Variants in RRP12 observed in about 807,000 individuals in gnomAD.
The protein encoded by RRP12 is RRP12-like protein.
A neutral mutation model predicts 157.3 loss-of-function variants in RRP12; 78 were observed. That is an observed-to-expected ratio of 0.50 (90% confidence interval 0.41 to 0.60). RRP12 has a LOEUF of 0.60. Ranked by LOEUF, RRP12 falls within the 20% of genes least tolerant of loss-of-function variation. The pLI is 0.00. For missense variants in RRP12, 1,521 were observed against 1,679.9 expected, an observed-to-expected ratio of 0.91 and a Z score of 1.65; for synonymous variants, 726 against 670.9, an observed-to-expected ratio of 1.08 and a Z score of -1.27.
At chr10:97,362,044 T>C (rs993834268) in intron 30 of RRP12, among the ~76,000 whole-genome samples, 7 of 147,742 alleles carry the variant, frequency 4.7e-5, no homozygotes, top group Admixed American at 2.7e-4. Flanking sequence ...GAGGGGGAGG[T>C]TGCAGTGAGC....
At chr10:97,393,469 AC>A in intron 4 of RRP12, 1 of 690,512 alleles carries the variant, frequency 1.4e-6, no homozygotes, top group South Asian at 1.4e-5. Context: ...TGATTCTATT[AC>A]CAGGGGTTCA....
chr10:97,394,416 G>C (rs567298892), intron 3 of RRP12, among the ~76,000 whole-genome samples: 1 of 151,954 alleles, frequency 6.6e-6, no homozygotes, highest in South Asian at 2.1e-4. Context: ...TAGTTTTTTT[G>C]AGAGACAGGG....
At chr10:97,358,831 G>T in intron 32 of RRP12, 112 bp downstream of exon 32, 1 of 919,160 alleles carries the variant, frequency 1.1e-6, no homozygotes, top group Non-Finnish European at 1.7e-6. Flanking sequence ...CCTGGCCTCA[G>T]TTGAGTTCCA....
intron 29 of RRP12, among the ~76,000 whole-genome samples, chr10:97,364,374 G>T (rs531332870): frequency 2.0e-5 from 3 of 152,146 alleles, no homozygotes; most frequent in Non-Finnish European, 4.4e-5. Context: ...CTGACCAATT[G>T]GAGGGAAGAG....
chr10:97,381,337 T>C, intron 12 of RRP12, 49 bp downstream of exon 12: 1 of 1,383,136 alleles, frequency 7.2e-7, no homozygotes, highest in South Asian at 1.3e-5. Flanking sequence ...ATATAGAACT[T>C]TCCTCAAGGT....
chr10:97,394,612 A>C (rs988954099), intron 3 of RRP12, among the ~76,000 whole-genome samples: 44 of 151,962 alleles, frequency 2.9e-4, no homozygotes, highest in Non-Finnish European at 1.0e-4. Flanking sequence ...CTGGTGTCGA[A>C]CTCCTAGCCT....
At chr10:97,391,877 G>A (rs1370084747) in intron 4 of RRP12, among the ~76,000 whole-genome samples, 1 of 150,262 alleles carries the variant, frequency 6.7e-6, no homozygotes, top group Non-Finnish European at 1.5e-5. Flanking sequence ...AGGAGGTGGC[G>A]CCACTGCACT....
intron 30 of RRP12, 46 bp downstream of exon 30, chr10:97,363,808 G>A: frequency 6.5e-7 from 1 of 1,549,330 alleles, no homozygotes; most frequent in African/African-American, 1.4e-5. Flanking sequence ...GTGGAGCCCA[G>A]GCTTAGGTCT....
At position 97,372,726 on chromosome 10, in the gene RRP12, A is replaced by G. The variant is rs377388951; in HGVS notation, c.2249+10T>C. 29 of 1,555,932 alleles carry G rather than the reference A, an allele frequency of 1.9e-5. No homozygotes were observed. In the African/African-American group the frequency reaches 3.5e-4, roughly 19 times the overall value. ...GCTCCAGCTCAAGTGGGAGGCCCTG[A>G]GCATGTTACCTGGTAAAGTCAGAGC... On this transcript the variant is annotated intron_variant, in intron 19 of 33. Transcript: ENST00000370992.
intron 15 of RRP12, among the ~76,000 whole-genome samples, chr10:97,374,771 C>CAA (rs775889963): frequency 0.36 from 32,494 of 90,298 alleles, 5,132 homozygotes; most frequent in Middle Eastern, 0.45. Context: ...GACTCTGTCT[C>CAA]AAAAAAAAAA....
chr10:97,366,193 G>A lies in RRP12; in HGVS notation c.3432C>T (p.His1144=), dbSNP rs61731893. 5.3e-3 allele frequency: 8,603 copies of A among 1,611,180 alleles called. 313 individuals are homozygous for A. In the African/African-American group the frequency reaches 0.089, roughly 17 times the overall value. ...GGCCATCGGCGCTCACCTTGAAGCC[G>A]TGGTCCTTCTTCCTGCCCCGGCCTG... ...PGPGRGRKKD[H]GFKVSADGRL... is the part of the protein sequence containing the mutation. Residue 1144 remains histidine (H), a synonymous_variant, in exon 29 of 34, where the codon CAC becomes CAT. Transcript: ENST00000370992.
intron 20 of RRP12, 26 bp downstream of exon 20, chr10:97,372,047 T>C: frequency 6.4e-7 from 1 of 1,560,844 alleles, no homozygotes; most frequent in Non-Finnish European, 8.8e-7. Flanking sequence ...CGTGGCTGTG[T>C]GGCGCTCCTG....
At chr10:97,389,836 C>G (rs972252667) in intron 6 of RRP12, among the ~76,000 whole-genome samples, 1 of 152,096 alleles carries the variant, frequency 6.6e-6, no homozygotes, top group Non-Finnish European at 1.5e-5. Flanking sequence ...CCTCAGCCTC[C>G]CGAGTAGCTG....
chr10:97,358,150 C>T lies in RRP12; in HGVS notation c.3791+387G>A, dbSNP rs142443732. On this transcript the variant is annotated intron_variant, in intron 33 of 33. Coordinates refer to ENST00000370992, the MANE Select transcript of RRP12 (RefSeq NM_015179.4). ...GAGATCGAGACCATCCCAGCCAACG[C>T]GGTGAAACCCCATCTCTACTAAAAA... 2.3e-3 allele frequency among the ~76,000 whole-genome samples: 355 copies of T among 151,638 alleles called. 4 individuals are homozygous for T. The highest frequency in any genetic ancestry group is 0.011 in the East Asian group (58 of 5,136).
intron 2 of RRP12, 59 bp from the exon 3 acceptor site, chr10:97,396,360 C>T (rs1844965301): frequency 4.6e-6 from 6 of 1,316,940 alleles, no homozygotes; most frequent in Non-Finnish European, 6.6e-6. Context: ...CCCAGGGGAA[C>T]CTCCTTTCCT....
chr10:97,380,720 G>A, intron 13 of RRP12, 79 bp downstream of exon 13: 1 of 1,018,132 alleles, frequency 9.8e-7, no homozygotes, highest in Non-Finnish European at 1.6e-6. Flanking sequence ...AGAGATAACA[G>A]AGACACGTGC....
chr10:97,367,388 T>G, intron 25 of RRP12: 1 of 559,756 alleles, frequency 1.8e-6, no homozygotes, highest in Non-Finnish European at 3.2e-6. Flanking sequence ...TCAACAGCAC[T>G]TGGTACTTGA....
At chr10:97,363,436 G>A (rs188292808) in intron 30 of RRP12, among the ~76,000 whole-genome samples, 23 of 152,296 alleles carry the variant, frequency 1.5e-4, no homozygotes, top group African/African-American at 4.8e-4. Context: ...GTGACCCTGG[G>A]CAGGCTACTT....
chr10:97,394,212 G>A (rs571201530), intron 3 of RRP12, among the ~76,000 whole-genome samples: 11 of 151,956 alleles, frequency 7.2e-5, no homozygotes, highest in Non-Finnish European at 1.3e-4. Context: ...GCATGGTGGC[G>A]GGCGCCTGTA....
Sources: gnomAD v4.1 joint callset for allele counts (sites outside exome capture counted in the v4.1 genomes callset) on GRCh38, gnomAD v4.1.1 for gene constraint, MANE v1.5 for transcripts, NCBI Gene and HGNC (gene_info 2026-07-23, HGNC 2026-07-21) for gene names.